HERC2: variants seen among roughly 807,000 people sequenced by gnomAD.
HERC2 encodes the protein HECT and RLD domain containing E3 ubiquitin protein ligase 2.
HERC2 carries 102 observed loss-of-function variants against 537.7 expected under a neutral mutation model. The ratio of observed to expected loss-of-function variants is 0.19; its 90% CI spans 0.16 to 0.22. The LOEUF is 0.22. Among genes scored for constraint, HERC2 ranks in the 10% least tolerant of loss-of-function variants. The pLI is 1.00. For missense variants in HERC2, 4,236 were observed against 6,198.2 expected (o/e 0.68, Z 10.63); for synonymous variants, 2,224 against 2,466.2 (o/e 0.90, Z 2.91).
chr15:28,124,956 C>T (rs75159657), intron 84 of HERC2, 50 bp downstream of exon 84: 33,257 of 1,530,514 alleles, frequency 0.022, 676 homozygotes, highest in Middle Eastern at 0.075. Context: ...CAGCATGTGA[C>T]AGGAGCACAC....
chr15:28,299,890 A>G (rs1043240992), intron 2 of HERC2, among the ~76,000 whole-genome samples: 3 of 151,910 alleles, frequency 2.0e-5, no homozygotes, highest in Non-Finnish European at 4.4e-5. Context: ...CGTCCCAACT[A>G]AAAATACAAA....
intron 23 of HERC2, among the ~76,000 whole-genome samples, chr15:28,244,754 T>C (rs1445979399): frequency 6.6e-6 from 1 of 152,070 alleles, no homozygotes; most frequent in Non-Finnish European, 1.5e-5. Flanking sequence ...GTTTTAAAAA[T>C]AAAAAACCAT....
At chr15:28,285,404 G>C (rs2076129832) in intron 4 of HERC2, among the ~76,000 whole-genome samples, 1 of 152,112 alleles carries the variant, frequency 6.6e-6, no homozygotes, top group South Asian at 2.1e-4. Context: ...CAGGAAAATT[G>C]CCTAACTCTC....
chr15:28,147,544 A>AGG (rs1270423810), intron 70 of HERC2, among the ~76,000 whole-genome samples: 1 of 152,046 alleles, frequency 6.6e-6, no homozygotes, highest in Non-Finnish European at 1.5e-5. Flanking sequence ...AGGCTAAGGA[A>AGG]GGGGGATCGC....
intron 9 of HERC2, among the ~76,000 whole-genome samples, chr15:28,271,807 C>T (rs2075736452): frequency 6.6e-6 from 1 of 152,178 alleles, no homozygotes; most frequent in African/African-American, 2.4e-5. Context: ...AGGTTTAGGC[C>T]CAGGGCCCCG....
chr15:28,268,751 G>A lies in HERC2; in HGVS notation c.1447-135C>T, dbSNP rs2075638745. 1.1e-5 allele frequency: 8 copies of A among 733,906 alleles called. No individual in the cohort carries two copies. Among genetic ancestry groups the A allele is most frequent in the South Asian group, 1.8e-5 (1 of 54,720 alleles). 45.5% of individuals were successfully genotyped at this position (733,906 alleles called of 1,614,324 possible). On this transcript the variant is annotated intron_variant, in intron 11 of 92. Coordinates refer to ENST00000261609, the MANE Select transcript of HERC2 (RefSeq NM_004667.6). This position sits in a 1 kb window ranked among gnomAD's most constrained non-coding sequence, Gnocchi z 4.7. ...TGGGGCATAAGTCTCTGGGAACTACGGGGCCGGCTCTCCAGCCCTTCCCAC... is the reference window on the plus strand; with the variant it reads ...TGGGGCATAAGTCTCTGGGAACTACAGGGCCGGCTCTCCAGCCCTTCCCAC...
intron 26 of HERC2, among the ~76,000 whole-genome samples, chr15:28,235,778 G>A (rs1902371014): frequency 6.6e-6 from 1 of 152,176 alleles, no homozygotes; most frequent in South Asian, 2.1e-4. Flanking sequence ...TGAAAGCAGA[G>A]GCGTGTCCTA....
intron 2 of HERC2, among the ~76,000 whole-genome samples, chr15:28,314,505 G>C (rs1228873179): frequency 1.3e-5 from 2 of 150,586 alleles, no homozygotes; most frequent in Non-Finnish European, 2.9e-5. Context: ...CCTAAAAAAA[G>C]AAAAACATAT....
At chr15:28,254,271 G>T (rs149481621) in intron 20 of HERC2, 69 bp downstream of exon 20, 1 of 1,151,598 alleles carries the variant, frequency 8.7e-7, no homozygotes, top group South Asian at 1.4e-5. Context: ...CAACAAGAGC[G>T]AACTCTGTCA....
rs1284496595 is a variant in HERC2 at position 28,176,407 on chromosome 15, A to C, written c.9686+21T>G. On this transcript the variant is annotated intron_variant, in intron 63 of 92. Transcript: ENST00000261609. This position sits in a 1 kb window ranked among gnomAD's most constrained non-coding sequence, Gnocchi z 5.0. ...CACCTGCACAAGCACACACAGTGTG[A>C]CAGGGAGGACGTTTACGTACCATGT... 6.2e-7 allele frequency: 1 copy of C among 1,612,696 alleles called. No individual in the cohort carries two copies. Among genetic ancestry groups the C allele is most frequent in the Non-Finnish European group, 8.5e-7 (1 of 1,178,998 alleles).
At position 28,309,679 on chromosome 15, in the gene HERC2, C is replaced by T. The variant is rs546548955; in HGVS notation, c.73-10163G>A. Among the ~76,000 whole-genome samples the T allele has an allele frequency of 1.7e-3, 254 of 151,944 alleles. 2 individuals carry two copies. The highest frequency in any genetic ancestry group is 5.9e-3 in the African/African-American group (243 of 41,438). ...TGAGGACCTGAGCTCCAGATGACAG[C>T]GTGCCCTAGCCAACACCTTGACTAC... On this transcript the variant is annotated intron_variant, in intron 2 of 92. Transcript: ENST00000261609.
chr15:28,143,797 G>T (rs536540110), intron 74 of HERC2, 76 bp downstream of exon 74: 13 of 1,571,088 alleles, frequency 8.3e-6, no homozygotes, highest in Non-Finnish European at 1.0e-5. Context: ...CAACGATTTA[G>T]AGGTTTAGAC....
chr15:28,269,456 A>C lies in HERC2; in HGVS notation c.1258-20T>G. Reference sequence around the variant, plus strand: ...TGATCCCTGTAAGATAAGAAAGTAAACATTTCCTTTAACAACAACAACAAT... The same window carrying C: ...TGATCCCTGTAAGATAAGAAAGTAACCATTTCCTTTAACAACAACAACAAT... On this transcript the variant is annotated intron_variant, in intron 10 of 92. Coordinates refer to ENST00000261609, the MANE Select transcript of HERC2 (RefSeq NM_004667.6). 1 of 1,577,040 alleles carries C rather than the reference A, an allele frequency of 6.3e-7. No individual in the cohort carries two copies. Among genetic ancestry groups the C allele is most frequent in the Non-Finnish European group, 8.7e-7 (1 of 1,149,922 alleles).
Position 28,116,684 on chromosome 15 carries a change from G to A in HERC2, c.13590C>T (p.Ser4530=). The part of the protein sequence containing the change: ...LSPAARAPVH[S]SMFRFLGVLL... ...GCTCACCCAGGAAGCGGAACATGCTGCTGTGCACGGGTGCTCTGGCGGCCG... is the reference window on the plus strand; with the variant it reads ...GCTCACCCAGGAAGCGGAACATGCTACTGTGCACGGGTGCTCTGGCGGCCG... The change falls in exon 88 of 93, where the codon AGC becomes AGT. Residue 4530 remains serine, a synonymous_variant. Coordinates refer to ENST00000261609, the MANE Select transcript of HERC2 (RefSeq NM_004667.6). The A allele has an allele frequency of 6.2e-7, 1 of 1,612,306 alleles. No individual in the cohort carries two copies. The highest frequency in any genetic ancestry group is 1.1e-5 in the South Asian group (1 of 90,936).
intron 78 of HERC2, among the ~76,000 whole-genome samples, chr15:28,137,058 T>C (rs943636993): frequency 6.6e-6 from 1 of 151,410 alleles, no homozygotes; most frequent in Non-Finnish European, 1.5e-5. Context: ...ATAATGTCTA[T>C]GGCAGAGGGG....
chr15:28,124,945 G>A, intron 84 of HERC2, 61 bp downstream of exon 84: 1 of 1,471,122 alleles, frequency 6.8e-7, no homozygotes, highest in Non-Finnish European at 9.3e-7. Context: ...ACGACAGGAT[G>A]CAGCATGTGA....
At chr15:28,263,674 TTTTA>T (rs2075474802) in intron 14 of HERC2, among the ~76,000 whole-genome samples, 1 of 152,166 alleles carries the variant, frequency 6.6e-6, no homozygotes, top group Admixed American at 6.5e-5. Context: ...AAGTAAATAT[TTTTA>T]TTTTTATGGT....
chr15:28,171,035 T>C (rs1894643697), intron 65 of HERC2, among the ~76,000 whole-genome samples: 1 of 152,210 alleles, frequency 6.6e-6, no homozygotes, highest in Non-Finnish European at 1.5e-5. Context: ...GAATATAAAA[T>C]GGCACAGCCA....
At chr15:28,223,097 G>A (rs1430441154) in intron 35 of HERC2, among the ~76,000 whole-genome samples, 1 of 152,134 alleles carries the variant, frequency 6.6e-6, no homozygotes, top group Non-Finnish European at 1.5e-5. Flanking sequence ...GGGTGGTCTT[G>A]GAGACCCCTG....
Sources: gnomAD v4.1 joint callset for allele counts (sites outside exome capture counted in the v4.1 genomes callset) on GRCh38, gnomAD v4.1.1 for gene constraint, Gnocchi (gnomAD v3.1) non-coding constraint, MANE v1.5 for transcripts, NCBI Gene and HGNC (gene_info 2026-07-23, HGNC 2026-07-21) for gene names.